The following CCNB3 variants were observed in gnomAD, a reference collection of about 807,000 sequenced individuals.
The protein encoded by CCNB3 is G2/mitotic-specific cyclin-B3.
In CCNB3, 12 loss-of-function variants were observed where a neutral mutation model predicts 68.0. The ratio of observed to expected loss-of-function variants is 0.18; its 90% CI spans 0.11 to 0.29. The LOEUF (loss-of-function observed/expected upper bound fraction) is 0.29, where lower values mean the gene tolerates loss of function less well. Among genes scored for constraint, CCNB3 ranks in the 10% least tolerant of loss-of-function variants. The pLI is 1.00. For synonymous variants in CCNB3, 354 were observed against 388.9 expected, an observed-to-expected ratio of 0.91 and a Z score of 1.06; for missense variants, 904 against 993.1, an observed-to-expected ratio of 0.91 and a Z score of 1.21.
rs1013464074 is a variant in CCNB3 at position 50,216,758 on chromosome X, A to C, written c.-113+11808A>C. 2.7e-5 allele frequency among the ~76,000 whole-genome samples: 3 copies of C among 110,751 alleles called. No homozygotes were observed. In the East Asian group the frequency reaches 8.4e-4, roughly 31 times the overall value. ...TTCTTTCTGCCTTCCAGTCAGTTAC[A>C]TGAACATTCACTATAATTCCATTTG... On this transcript the variant is annotated intron_variant, in intron 1 of 12. Coordinates refer to ENST00000376042, the MANE Select transcript of CCNB3 (RefSeq NM_033031.3).
chrX:50,286,968 C>G (rs1485236011), intron 3 of CCNB3, among the ~76,000 whole-genome samples: 2 of 112,221 alleles, frequency 1.8e-5, no homozygotes, highest in Admixed American at 9.5e-5. Context: ...TAAGATTGCT[C>G]TCTCTGCTGG....
At position 50,288,852 on chromosome X, in the gene CCNB3, C is replaced by T; in HGVS notation, c.169C>T (p.Leu57Phe). The T allele has an allele frequency of 8.3e-7, 1 of 1,202,722 alleles. No individual in the cohort carries two copies. The highest frequency in any genetic ancestry group is 1.1e-6 in the Non-Finnish European group (1 of 888,378). ...GTCTCCATCTTCACTTCAGGGAGCA[C>T]TCAAAAAGAGATCAGCTTTTGAAGA... Reference protein sequence around the residue: ...QESPSSLQGALKKRSAFEDLT... With the variant: ...QESPSSLQGAFKKRSAFEDLT... The change falls in exon 4 of 13, where the codon CTC (leucine) becomes TTC (phenylalanine). Residue 57 changes from leucine to phenylalanine, a missense_variant. Coordinates refer to ENST00000376042, the MANE Select transcript of CCNB3 (RefSeq NM_033031.3).
intron 8 of CCNB3, among the ~76,000 whole-genome samples, chrX:50,332,586 C>T (rs1440098573): frequency 1.8e-5 from 2 of 111,407 alleles, no homozygotes; most frequent in Non-Finnish European, 3.8e-5. Context: ...CAGGGCTTGT[C>T]GTCCTCAGAG....
In CCNB3 at chrX:50,289,392, A is replaced by G. The variant is rs185131398; in HGVS notation, c.204+505A>G. Among the ~76,000 whole-genome samples the G allele has an allele frequency of 5.8e-4, 65 of 111,394 alleles. 1 individual carries two copies. In the East Asian group the frequency reaches 9.4e-3, roughly 16 times the overall value. On this transcript the variant is annotated intron_variant, in intron 4 of 12. Coordinates refer to ENST00000376042, the MANE Select transcript of CCNB3 (RefSeq NM_033031.3). ...CTCCAGATACACAGAACTGTTGAGAACCATAGTTCCAAGATCGAGTCTTTA... is the reference window on the plus strand; with the variant it reads ...CTCCAGATACACAGAACTGTTGAGAGCCATAGTTCCAAGATCGAGTCTTTA...
chrX:50,300,997 G>A (rs1936617414), intron 5 of CCNB3, among the ~76,000 whole-genome samples: 1 of 111,020 alleles, frequency 9.0e-6, no homozygotes, highest in African/African-American at 3.3e-5. Context: ...GTCCTTTAAG[G>A]ACTTCTCTGC....
rs1557214366 is a variant in CCNB3, at chrX:50,309,888, C to A, written c.1719C>A (p.Asn573Lys). The A allele has an allele frequency of 2.5e-6, 3 of 1,210,255 alleles. No homozygotes were observed. The highest frequency in any genetic ancestry group is 3.4e-6 in the Non-Finnish European group (3 of 894,630). The change falls in exon 6 of 13, where the codon AAC (asparagine) becomes AAA (lysine). Residue 573 changes from asparagine (N) to lysine (K), a missense_variant. Transcript: ENST00000376042. ...FFMEPMSFRKNPTTEETVLTK... is the reference protein window; with the variant it reads ...FFMEPMSFRKKPTTEETVLTK... ...TGGAGCCAATGTCATTTAGGAAGAA[C>A]CCTACAACTGAGGAGACAGTACTTA... is the stretch of plus-strand genomic sequence containing the variant.
chrX:50,308,784 G>A lies in CCNB3; in HGVS notation c.615G>A (p.Ala205=), dbSNP rs373752549. 2.1e-5 allele frequency: 26 copies of A among 1,209,895 alleles called. No individual in the cohort carries two copies. The highest frequency in any genetic ancestry group is 6.6e-5 in the Admixed American group (3 of 45,715). The stretch of plus-strand genomic sequence containing the variant: ...AGGAGGAGAGTGACAGTGATGATGC[G>A]TTTGTTATAGAGCCAATGACTTTTA... The part of the protein sequence containing the change: ...PLQEESDSDD[A]FVIEPMTFKK... Residue 205 remains alanine (A), a synonymous_variant, in exon 6 of 13, where the codon GCG becomes GCA. Coordinates refer to ENST00000376042, the MANE Select transcript of CCNB3 (RefSeq NM_033031.3).
rs1330739404 is a variant in CCNB3 at position 50,227,008 on chromosome X, A to G, written c.-113+22058A>G. Among the ~76,000 whole-genome samples the G allele has an allele frequency of 1.8e-4, 14 of 78,913 alleles. No individual in the cohort carries two copies. The East Asian group carries it at 5.1e-3, about 29-fold the overall frequency. The allele number at this position is 78,913 out of a possible 115,157, so 68.5% of individuals were successfully genotyped here. A position where few individuals can be genotyped will look rare whatever the true frequency, so the allele number is the denominator to read the frequency against. On this transcript the variant is annotated intron_variant, in intron 1 of 12. Coordinates refer to ENST00000376042, the MANE Select transcript of CCNB3 (RefSeq NM_033031.3). Reference sequence around the variant, plus strand: ...TATATAGAATATATAAATATATAGAAAATATATAAAATATATATACAAATA... The same window carrying G: ...TATATAGAATATATAAATATATAGAGAATATATAAAATATATATACAAATA...
intron 8 of CCNB3, among the ~76,000 whole-genome samples, chrX:50,333,532 T>C (rs1557218393): frequency 9.0e-6 from 1 of 111,339 alleles, no homozygotes; most frequent in Non-Finnish European, 1.9e-5. Flanking sequence ...GATGTAGAAG[T>C]ACCGGCCCAA....
chrX:50,313,907 G>A lies in CCNB3; in HGVS notation c.3475G>A (p.Asp1159Asn). The A allele has an allele frequency of 8.3e-7, 1 of 1,210,447 alleles. No homozygotes were observed. The highest frequency in any genetic ancestry group is 1.1e-6 in the Non-Finnish European group (1 of 894,358). ...GAACAGGCAGATTGAAATCACCAGT[G>A]ACATGAGGGCCATTCTTGTGGACTG... The part of the protein sequence containing the change: ...YMNRQIEITS[D>N]MRAILVDWLV... Residue 1159 changes from aspartate to asparagine, a missense_variant, in exon 8 of 13, where the codon GAC becomes AAC. This residue lies in a region of CCNB3 where 285 missense variants were observed against 383.4 expected (regional missense o/e 0.74). Transcript: ENST00000376042.
intron 1 of CCNB3, among the ~76,000 whole-genome samples, chrX:50,228,036 A>G (rs1935945946): frequency 1.1e-5 from 1 of 88,118 alleles, no homozygotes; most frequent in East Asian, 3.2e-4. Context: ...ATATATATAG[A>G]GAGAATATAT....
Position 50,351,256 on chromosome X carries a change from C to A in CCNB3, c.3976C>A (p.His1326Asn). 8.3e-7 allele frequency: 1 copy of A among 1,210,975 alleles called. No individual in the cohort carries two copies. The highest frequency in any genetic ancestry group is 1.8e-5 in the South Asian group (1 of 56,951). Residue 1326 changes from histidine (H) to asparagine (N), a missense_variant, in exon 12 of 13, where the codon CAT becomes AAT. Physicochemically the swap from His to Asn is moderately conservative, Grantham distance 68. Coordinates refer to ENST00000376042, the MANE Select transcript of CCNB3 (RefSeq NM_033031.3). The stretch of plus-strand genomic sequence containing the variant: ...CTTCTTCCAGGTTCCCTTCCTGGAG[C>A]ATTACAGTGGCTACAGTATCTCTGA... ...KLGYWVPFLEHYSGYSISELH... is the reference protein window; with the variant it reads ...KLGYWVPFLENYSGYSISELH...
chrX:50,297,275 A>G (rs1433205558), intron 5 of CCNB3, among the ~76,000 whole-genome samples: 2 of 111,935 alleles, frequency 1.8e-5, no homozygotes, highest in African/African-American at 6.5e-5. Context: ...CTAACATTTA[A>G]GTCTTTAATC....
intron 8 of CCNB3, among the ~76,000 whole-genome samples, chrX:50,322,357 C>G (rs1434487384): frequency 9.0e-6 from 1 of 111,097 alleles, no homozygotes; most frequent in East Asian, 2.8e-4. Context: ...GCTGAGAAAA[C>G]TGGCTAGCCA....
chrX:50,291,312 TA>T (rs781952396), intron 4 of CCNB3, among the ~76,000 whole-genome samples: 110 of 111,762 alleles, frequency 9.8e-4, no homozygotes, highest in Non-Finnish European at 1.9e-3. Context: ...TTATTTTATT[TA>T]TTTTTTTTGA....
At chrX:50,306,531 A>T (rs1921083767) in intron 5 of CCNB3, among the ~76,000 whole-genome samples, 1 of 111,970 alleles carries the variant, frequency 8.9e-6, no homozygotes, top group Non-Finnish European at 1.9e-5. Context: ...AGAGTTGGAC[A>T]TTCTTGTTTT....
intron 8 of CCNB3, among the ~76,000 whole-genome samples, chrX:50,338,866 G>A (rs112384996): frequency 0.12 from 13,193 of 111,694 alleles, 1,874 homozygotes; most frequent in African/African-American, 0.41. Flanking sequence ...ACAGCCATTT[G>A]ACCTGTCTCT....
chrX:50,338,164 C>CTGGAG (rs1177309112), intron 8 of CCNB3, among the ~76,000 whole-genome samples: 2 of 111,975 alleles, frequency 1.8e-5, no homozygotes, highest in Non-Finnish European at 3.8e-5. Context: ...TGGAGTCCCC[C>CTGGAG]ACAGGGATGC....
intron 4 of CCNB3, among the ~76,000 whole-genome samples, chrX:50,290,396 C>T (rs1369293038): frequency 3.6e-5 from 4 of 111,397 alleles, no homozygotes; most frequent in Non-Finnish European, 7.5e-5. Flanking sequence ...AACAAGCTTC[C>T]TCGGGCCTCT....
Sources: gnomAD v4.1 joint callset for allele counts (sites outside exome capture counted in the v4.1 genomes callset) on GRCh38, gnomAD v4.1.1 for gene constraint, gnomAD v4.1.1 regional missense constraint, MANE v1.5 for transcripts, NCBI Gene and HGNC (gene_info 2026-07-23, HGNC 2026-07-21) for gene names.